Variants in CAMK2A observed in about 807,000 individuals in gnomAD.
CAMK2A encodes calcium/calmodulin-dependent protein kinase type II subunit alpha.
In CAMK2A, 7 loss-of-function variants were observed where a neutral mutation model predicts 79.2. The observed-to-expected ratio is 0.09, with a 90% CI of 0.05 to 0.17. The LOEUF (loss-of-function observed/expected upper bound fraction) is 0.17, where lower values mean the gene tolerates loss of function less well. Among genes scored for constraint, CAMK2A ranks in the 10% least tolerant of loss-of-function variants. CAMK2A has a pLI of 1.00. For synonymous variants in CAMK2A, 242 were observed against 251.7 expected, an observed-to-expected ratio of 0.96 and a Z score of 0.36; for missense variants, 214 against 646.4, an observed-to-expected ratio of 0.33 and a Z score of 7.25.
At chr5:150,233,719 G>A (rs956713832) in intron 15 of CAMK2A, among the ~76,000 whole-genome samples, 5 of 152,130 alleles carry the variant, frequency 3.3e-5, no homozygotes, top group African/African-American at 1.2e-4. Flanking sequence ...GATCACCTGT[G>A]CCCTCCTTCC....
In CAMK2A at chr5:150,257,606, C is replaced by A; in HGVS notation, c.229G>T (p.Asp77Tyr). Residue 77 changes from aspartate to tyrosine, a missense_variant, in exon 4 of 19, where the codon GAC becomes TAC. Physicochemically the swap from Asp to Tyr is radical, Grantham distance 160. Around this residue, in one of 4 missense-constraint regions of CAMK2A, gnomAD observed 72 missense variants for 333.9 expected, o/e 0.22. Coordinates refer to ENST00000671881, the MANE Select transcript of CAMK2A (RefSeq NM_015981.4). ...TGGTGTCCCTCCTCTGAGATGCTGT[C>A]ATGTAGTCGGACTGTGGGCGGGGCA... is the stretch of plus-strand genomic sequence containing the variant. Reference protein sequence around the residue: ...LKHPNIVRLHDSISEEGHHYL... With the variant: ...LKHPNIVRLHYSISEEGHHYL... 6.4e-7 allele frequency: 1 copy of A among 1,570,434 alleles called. No individual in the cohort carries two copies. Among genetic ancestry groups the A allele is most frequent in the East Asian group, 2.4e-5 (1 of 42,064 alleles).
intron 18 of CAMK2A, 119 bp from the exon 19 acceptor site, chr5:150,222,832 C>T: frequency 7.0e-7 from 1 of 1,421,918 alleles, no homozygotes; most frequent in Non-Finnish European, 9.9e-7. Context: ...CCAGCTCTTC[C>T]CCCAGACCTG....
chr5:150,240,423 T>C (rs932021191), intron 13 of CAMK2A, among the ~76,000 whole-genome samples: 4 of 152,192 alleles, frequency 2.6e-5, no homozygotes, highest in Non-Finnish European at 5.9e-5. Flanking sequence ...TTCCACCCCT[T>C]TATGCTGATG....
chr5:150,246,895 C>T (rs1417677687), intron 12 of CAMK2A, among the ~76,000 whole-genome samples: 1 of 152,260 alleles, frequency 6.6e-6, no homozygotes, highest in East Asian at 1.9e-4. Flanking sequence ...GCTTTCTCGG[C>T]TGGCCCCAGC....
At chr5:150,235,726 C>T (rs187125304) in intron 15 of CAMK2A, among the ~76,000 whole-genome samples, 5 of 152,262 alleles carry the variant, frequency 3.3e-5, no homozygotes, top group Middle Eastern at 3.4e-3. Context: ...CCTCAGGGGA[C>T]GATGTTCCCT....
At chr5:150,222,882 T>G (rs774427810) in intron 18 of CAMK2A, 107 bp downstream of exon 18, 8 of 1,399,550 alleles carry the variant, frequency 5.7e-6, no homozygotes, top group African/African-American at 1.4e-5. Context: ...CACCCCACTC[T>G]GCAGCCTTTC....
intron 2 of CAMK2A, among the ~76,000 whole-genome samples, chr5:150,268,156 T>C (rs114675901): frequency 0.058 from 8,871 of 152,112 alleles, 576 homozygotes; most frequent in African/African-American, 0.16. Context: ...GGGATTACCG[T>C]GCCCGGACCC....
Position 150,238,541 on chromosome 5 carries a change from A to T in CAMK2A, c.1066+159T>A. ...ACCACCCCCGCCCTCCATGGGAATG[A>T]TGCCTCCCAGTGTGCCCAGTTTATA... On this transcript the variant is annotated intron_variant, in intron 15 of 18. Coordinates refer to ENST00000671881, the MANE Select transcript of CAMK2A (RefSeq NM_015981.4). 8.1e-6 allele frequency: 6 copies of T among 739,072 alleles called. No individual in the cohort carries two copies. The South Asian group carries it at 8.9e-5, about 11-fold the overall frequency. 45.8% of individuals were successfully genotyped at this position (739,072 alleles called of 1,614,324 possible). A position where few individuals can be genotyped will look rare whatever the true frequency, so the allele number is the denominator to read the frequency against.
chr5:150,276,602 A>G (rs1199414070), intron 1 of CAMK2A, among the ~76,000 whole-genome samples: 1 of 152,154 alleles, frequency 6.6e-6, no homozygotes, highest in African/African-American at 2.4e-5. Context: ...GATTCTCAAA[A>G]GCCCTATGAG....
chr5:150,239,040 G>T (rs944649260), intron 14 of CAMK2A, among the ~76,000 whole-genome samples: 1 of 152,206 alleles, frequency 6.6e-6, no homozygotes, highest in Non-Finnish European at 1.5e-5. Context: ...GGTGAAGAAG[G>T]GGTGTGGAGG....
chr5:150,253,372 G>A (rs888794872), intron 7 of CAMK2A, 72 bp downstream of exon 7: 24 of 1,236,594 alleles, frequency 1.9e-5, no homozygotes, highest in Non-Finnish European at 2.6e-5. Flanking sequence ...CAGGCAGGGG[G>A]TTCCCAGAGG....
chr5:150,245,589 C>A (rs1755534070), intron 12 of CAMK2A, among the ~76,000 whole-genome samples: 1 of 152,234 alleles, frequency 6.6e-6, no homozygotes, highest in South Asian at 2.1e-4. Context: ...TGGACACGCC[C>A]TCCCCACCCT....
intron 13 of CAMK2A, among the ~76,000 whole-genome samples, chr5:150,240,817 C>A (rs1450896131): frequency 6.6e-6 from 1 of 152,232 alleles, no homozygotes; most frequent in East Asian, 1.9e-4. Flanking sequence ...ACAGTCAGAC[C>A]CTCTCCAAAG....
chr5:150,253,388 G>A (rs1426026916), intron 7 of CAMK2A, 56 bp downstream of exon 7: 1 of 1,371,794 alleles, frequency 7.3e-7, no homozygotes, highest in East Asian at 2.3e-5. Flanking sequence ...AGAGGCTTAT[G>A]TGTCAACACA....
chr5:150,222,658 G>T lies in CAMK2A; in HGVS notation c.*52C>A. The T allele has an allele frequency of 6.3e-7, 1 of 1,587,060 alleles. No individual in the cohort carries two copies. The highest frequency in any genetic ancestry group is 1.1e-5 in the South Asian group (1 of 89,728). On this transcript the variant is annotated 3_prime_UTR_variant, in exon 19 of 19. Coordinates refer to ENST00000671881, the MANE Select transcript of CAMK2A (RefSeq NM_015981.4). ...GGGAGAACCAGCAGCTCCACTCCAC[G>T]GACAGAGTGGATCTCTGCGGCACAG... is the stretch of plus-strand genomic sequence containing the variant.
intron 8 of CAMK2A, 63 bp from the exon 9 acceptor site, chr5:150,251,907 G>A (rs1391566996): frequency 1.3e-6 from 2 of 1,544,912 alleles, no homozygotes; most frequent in Non-Finnish European, 1.8e-6. Flanking sequence ...GGAGGGGAGT[G>A]ATGGGAAAGG....
At chr5:150,233,592 A>C (rs966134073) in intron 15 of CAMK2A, among the ~76,000 whole-genome samples, 2 of 152,148 alleles carry the variant, frequency 1.3e-5, no homozygotes, top group Non-Finnish European at 2.9e-5. Flanking sequence ...GAGTGAATGA[A>C]TGAATGAGTG....
At chr5:150,279,169 C>A (rs529190935) in intron 1 of CAMK2A, among the ~76,000 whole-genome samples, 1 of 152,244 alleles carries the variant, frequency 6.6e-6, no homozygotes, top group Non-Finnish European at 1.5e-5. Flanking sequence ...CTGTCCACTG[C>A]GGCAGCCACT....
At position 150,232,548 on chromosome 5, in the gene CAMK2A, C is replaced by T. The variant is rs552809377; in HGVS notation, c.1067-1168G>A. Among the ~76,000 whole-genome samples the T allele has an allele frequency of 5.9e-5, 9 of 152,282 alleles. No individual in the cohort carries two copies. In the South Asian group the frequency reaches 1.5e-3, roughly 25 times the overall value. On this transcript the variant is annotated intron_variant, in intron 15 of 18. Coordinates refer to ENST00000671881, the MANE Select transcript of CAMK2A (RefSeq NM_015981.4). The stretch of plus-strand genomic sequence containing the variant: ...GCAGAGCCTAACAGAAGCCTTGCTC[C>T]GTCTCCCAGAGGCAGGCCCCTTTCC...
Sources: gnomAD v4.1 joint callset for allele counts (sites outside exome capture counted in the v4.1 genomes callset) on GRCh38, gnomAD v4.1.1 for gene constraint, gnomAD v4.1.1 regional missense constraint, MANE v1.5 for transcripts, NCBI Gene and HGNC (gene_info 2026-07-23, HGNC 2026-07-21) for gene names.